Variants in DAG1 observed in about 807,000 individuals in gnomAD.
DAG1 encodes the protein dystroglycan 1.
Under a neutral mutation model 46.1 loss-of-function variants are expected in DAG1, and 8 were observed. That is an observed-to-expected ratio of 0.17 (90% CI 0.10 to 0.31). The LOEUF is 0.31. Ranked by LOEUF, DAG1 falls within the 10% of genes least tolerant of loss-of-function variation. The pLI is 1.00. For synonymous variants in DAG1, 495 were observed against 481.8 expected (o/e 1.03, Z -0.36); for missense variants, 1,003 against 1,189.9 (o/e 0.84, Z 2.31).
At chr3:49,508,538 T>G (rs1575383776) in intron 1 of DAG1, among the ~76,000 whole-genome samples, 1 of 152,044 alleles carries the variant, frequency 6.6e-6, no homozygotes, top group East Asian at 1.9e-4. Flanking sequence ...AGCTGCGACT[T>G]CAGGCGTGCA....
chr3:49,509,328 A>G (rs1173508858), intron 1 of DAG1, among the ~76,000 whole-genome samples: 2 of 152,174 alleles, frequency 1.3e-5, no homozygotes, highest in East Asian at 3.8e-4. Context: ...CCAGCTATTT[A>G]CTTGAGCCCA....
At position 49,528,770 on chromosome 3, in the gene DAG1, CAAAAG is replaced by C. The variant is rs576617821; in HGVS notation, c.286-2023_286-2019del. Among the ~76,000 whole-genome samples the C allele has an allele frequency of 1.4e-3, 214 of 151,036 alleles. 1 individual carries two copies. The highest frequency in any genetic ancestry group is 0.011 in the Admixed American group (167 of 15,162). ...TTAGAGTTGATGCAATGTGGTATCA[CAAAAG>C]AAACACTATTTGCTAACCCTTAATG... On this transcript the variant is annotated intron_variant, in intron 2 of 2. Coordinates refer to ENST00000308775, the MANE Select transcript of DAG1 (RefSeq NM_004393.6).
chr3:49,484,495 A>G (rs527909734), intron 1 of DAG1, among the ~76,000 whole-genome samples: 1 of 152,154 alleles, frequency 6.6e-6, no homozygotes, highest in African/African-American at 2.4e-5. Flanking sequence ...TATTTTGGAG[A>G]AGAGAGTCTC....
intron 2 of DAG1, among the ~76,000 whole-genome samples, chr3:49,519,005 C>G (rs2050964780): frequency 6.6e-6 from 1 of 152,248 alleles, no homozygotes; most frequent in Non-Finnish European, 1.5e-5. Flanking sequence ...CTGAGAGGAC[C>G]CTTTCTCCTT....
At chr3:49,502,955 C>T (rs535347641) in intron 1 of DAG1, among the ~76,000 whole-genome samples, 4 of 152,116 alleles carry the variant, frequency 2.6e-5, no homozygotes, top group African/African-American at 4.8e-5. Flanking sequence ...CTGAGATTTA[C>T]GCATGTTGAT....
intron 1 of DAG1, among the ~76,000 whole-genome samples, chr3:49,506,060 A>G (rs866503051): frequency 4.7e-5 from 7 of 148,300 alleles, no homozygotes; most frequent in African/African-American, 1.3e-4. Context: ...GCTCACTACA[A>G]CCACCGCCTC....
rs376991799 is a variant in DAG1, at chr3:49,531,562, A to G, written c.1051A>G (p.Thr351Ala). ...CACATCTCCAGCCATTGCTCCTCCA[A>G]CAGAGACCATGGCTCCTCCAGTCAG... ...TPTSPAIAPP[T>A]ETMAPPVRDP... Residue 351 changes from threonine to alanine, a missense_variant, in exon 3 of 3, where the codon ACA (threonine) becomes GCA (alanine). Around this residue, in one of 3 missense-constraint regions of DAG1, gnomAD observed 755 missense variants for 854.1 expected, o/e 0.88. Coordinates refer to ENST00000308775, the MANE Select transcript of DAG1 (RefSeq NM_004393.6). The surrounding 1 kb of genome is among the most constrained non-coding windows in gnomAD (Gnocchi z 7.0). 7.4e-6 allele frequency: 12 copies of G among 1,612,132 alleles called. No homozygotes were observed. In the African/African-American group the frequency reaches 1.3e-4, roughly 18 times the overall value.
chr3:49,469,961 G>C (rs899153219), upstream of DAG1, among the ~76,000 whole-genome samples: 17 of 152,278 alleles, frequency 1.1e-4, no homozygotes, highest in Admixed American at 7.2e-4. Context: ...CCGAGTGACC[G>C]GGACCGACCG....
Position 49,522,653 on chromosome 3 carries a change from T to A in DAG1, c.286-8144T>A, listed in dbSNP as rs190246246. Among the ~76,000 whole-genome samples, 8 of 152,212 alleles carry A rather than the reference T, an allele frequency of 5.3e-5. No homozygotes were observed. In the East Asian group the frequency reaches 1.5e-3, roughly 29 times the overall value. ...TCTGCCCAGGTTTTGTGGTTTTGAT[T>A]CTTAATGTTTTGGGATGCACTTTGT... On this transcript the variant is annotated intron_variant, in intron 2 of 2. Coordinates refer to ENST00000308775, the MANE Select transcript of DAG1 (RefSeq NM_004393.6).
intron 1 of DAG1, among the ~76,000 whole-genome samples, chr3:49,473,324 AGGCAGGAGAATGGCGTGAAC>A (rs1000580149): frequency 1.3e-5 from 2 of 151,642 alleles, no homozygotes; most frequent in Admixed American, 6.6e-5. Context: ...CTGGAGGCTG[AGGCAGGAGAATGGCGTGAAC>A]CCGGGAGGCG....
At chr3:49,527,032 A>C (rs1287738835) in intron 2 of DAG1, among the ~76,000 whole-genome samples, 2 of 152,196 alleles carry the variant, frequency 1.3e-5, no homozygotes, top group African/African-American at 2.4e-5. Flanking sequence ...TGGGGTCAGC[A>C]GAATAGGAAG....
chr3:49,486,304 C>T (rs1411987040), intron 1 of DAG1, among the ~76,000 whole-genome samples: 4 of 151,648 alleles, frequency 2.6e-5, no homozygotes, highest in African/African-American at 4.8e-5. Context: ...CTGCAAGCTC[C>T]GCCTCCCAGG....
intron 1 of DAG1, among the ~76,000 whole-genome samples, chr3:49,474,132 G>A (rs1350556869): frequency 1.3e-5 from 2 of 152,106 alleles, no homozygotes; most frequent in Non-Finnish European, 2.9e-5. Flanking sequence ...TCGGCTCACT[G>A]CAACCTCCGC....
chr3:49,492,774 A>C (rs1166865915), intron 1 of DAG1: 1 of 152,158 alleles, frequency 6.6e-6, no homozygotes, highest in Non-Finnish European at 1.5e-5. Flanking sequence ...GGTACTTTTC[A>C]GTGGTGGCCT....
At chr3:49,514,540 G>A (rs977723004) in intron 2 of DAG1, among the ~76,000 whole-genome samples, 4 of 151,754 alleles carry the variant, frequency 2.6e-5, no homozygotes, top group Non-Finnish European at 4.4e-5. Context: ...GCACAGTCCC[G>A]GCTCACTGCA....
At position 49,535,017 on chromosome 3, in the gene DAG1, T is replaced by TG. The variant is rs1285382807; in HGVS notation, c.*1819dup. 2.0e-5 allele frequency: 3 copies of TG among 152,444 alleles called. No homozygotes were observed. The highest frequency in any genetic ancestry group is 6.5e-5 in the Admixed American group (1 of 15,276). The allele number at this position is 152,444 out of a possible 1,614,324, so 9.4% of individuals were successfully genotyped here. A position where few individuals can be genotyped will look rare whatever the true frequency, so the allele number is the denominator to read the frequency against. ...CTGCTCTCCAGAGGGCATTTCCCCT[T>TG]GCGCCTTCTCCCACAGGGCCCAGCC... On this transcript the variant is annotated 3_prime_UTR_variant, in exon 3 of 3. Coordinates refer to ENST00000308775, the MANE Select transcript of DAG1 (RefSeq NM_004393.6).
At chr3:49,527,485 G>A (rs1286052642) in intron 2 of DAG1, among the ~76,000 whole-genome samples, 5 of 150,858 alleles carry the variant, frequency 3.3e-5, no homozygotes, top group African/African-American at 1.2e-4. Flanking sequence ...TAGCGCCACT[G>A]CAGTCCGGCC....
chr3:49,524,709 A>G (rs904567347), intron 2 of DAG1, among the ~76,000 whole-genome samples: 1 of 152,056 alleles, frequency 6.6e-6, no homozygotes, highest in Non-Finnish European at 1.5e-5. Flanking sequence ...AGGGCTGGGC[A>G]TGGTGGCCCA....
At chr3:49,527,319 T>C (rs1176449229) in intron 2 of DAG1, among the ~76,000 whole-genome samples, 3 of 151,620 alleles carry the variant, frequency 2.0e-5, no homozygotes, top group African/African-American at 7.3e-5. Flanking sequence ...GCTCAGGAGA[T>C]CGAGACCATC....
Sources: gnomAD v4.1 joint callset for allele counts (sites outside exome capture counted in the v4.1 genomes callset) on GRCh38, gnomAD v4.1.1 for gene constraint, gnomAD v4.1.1 regional missense constraint, Gnocchi (gnomAD v3.1) non-coding constraint, MANE v1.5 for transcripts, NCBI Gene and HGNC (gene_info 2026-07-23, HGNC 2026-07-21) for gene names.